AGTR1: variants seen among roughly 807,000 people sequenced by gnomAD.
AGTR1 encodes the protein type-1 angiotensin II receptor.
AGTR1 carries 16 observed loss-of-function variants against 19.4 expected under a neutral mutation model. That is an observed-to-expected ratio of 0.82 (90% CI 0.56 to 1.25). The LOEUF (loss-of-function observed/expected upper bound fraction) is 1.25, where lower values mean the gene tolerates loss of function less well. Ranked by LOEUF, AGTR1 falls within the 50% of genes most tolerant of loss-of-function variation. The pLI is 0.00. For synonymous variants in AGTR1, 153 were observed against 154.9 expected, an observed-to-expected ratio of 0.99 and a Z score of 0.09; for missense variants, 373 against 431.9, an observed-to-expected ratio of 0.86 and a Z score of 1.21.
At chr3:148,740,084 A>G in intron 2 of AGTR1, 1 of 922,884 alleles carries the variant, frequency 1.1e-6, no homozygotes, top group South Asian at 5.6e-5. Flanking sequence ...TATGTAGAAA[A>G]TCAGAGCAAA....
chr3:148,714,006 C>T (rs1713146386), intron 2 of AGTR1, among the ~76,000 whole-genome samples: 1 of 152,012 alleles, frequency 6.6e-6, no homozygotes, highest in Non-Finnish European at 1.5e-5. Context: ...AAGTTTCTTC[C>T]CTTTGCCTCT....
At chr3:148,712,106 G>A (rs1477845376) in intron 2 of AGTR1, among the ~76,000 whole-genome samples, 1 of 152,048 alleles carries the variant, frequency 6.6e-6, no homozygotes, top group Non-Finnish European at 1.5e-5. Flanking sequence ...TTTAAATTTA[G>A]AGGCCCTGTT....
intron 2 of AGTR1, among the ~76,000 whole-genome samples, chr3:148,738,533 G>T (rs1163252867): frequency 6.6e-6 from 1 of 152,064 alleles, no homozygotes; most frequent in Non-Finnish European, 1.5e-5. Context: ...ATACTTCTAA[G>T]TTGGCATAAG....
intron 1 of AGTR1, among the ~76,000 whole-genome samples, chr3:148,704,080 GC>G (rs1185053132): frequency 5.3e-5 from 8 of 152,024 alleles, no homozygotes; most frequent in Non-Finnish European, 7.4e-5. Flanking sequence ...TAACTTTGGA[GC>G]CCAGGTATGG....
chr3:148,720,103 C>G (rs1378280612), intron 2 of AGTR1, among the ~76,000 whole-genome samples: 1 of 152,190 alleles, frequency 6.6e-6, no homozygotes, highest in Non-Finnish European at 1.5e-5. Context: ...GTGAGCATCT[C>G]TCTAACCACT....
At chr3:148,740,091 C>A in intron 2 of AGTR1, 4 of 868,480 alleles carry the variant, frequency 4.6e-6, no homozygotes, top group African/African-American at 3.6e-5. Flanking sequence ...AAAATCAGAG[C>A]AAATATTTGC....
At chr3:148,707,380 T>C (rs1294274970) in intron 1 of AGTR1, among the ~76,000 whole-genome samples, 1 of 152,136 alleles carries the variant, frequency 6.6e-6, no homozygotes, top group East Asian at 1.9e-4. Flanking sequence ...TAATAGAGGG[T>C]AAGGATATGT....
chr3:148,717,735 G>C (rs1196171900), intron 2 of AGTR1, among the ~76,000 whole-genome samples: 4 of 152,170 alleles, frequency 2.6e-5, no homozygotes, highest in Non-Finnish European at 5.9e-5. Context: ...CGGCAGAAAT[G>C]TAACAGGAAA....
rs753563079 is a variant in AGTR1, at chr3:148,742,077, TCCA to T, written c.1046_1048del (p.Thr349del). 2.5e-6 allele frequency: 4 copies of T among 1,613,910 alleles called. No individual in the cohort carries two copies. The highest frequency in any genetic ancestry group is 3.4e-6 in the Non-Finnish European group (4 of 1,179,998). ...CCGCCCCTCAGATAATGTAAGCTCATCCACCAAGAAGCCTGCACCATGTTTTGA... is the reference window on the plus strand; with the variant it reads ...CCGCCCCTCAGATAATGTAAGCTCATCCAAGAAGCCTGCACCATGTTTTGA... On this transcript the variant is annotated inframe_deletion, in exon 3 of 3. Coordinates refer to ENST00000349243, the MANE Select transcript of AGTR1 (RefSeq NM_000685.5).
chr3:148,740,944 AC>A (rs1167627048), intron 2 of AGTR1, 44 bp from the exon 3 acceptor site: 1 of 1,523,662 alleles, frequency 6.6e-7, no homozygotes, highest in African/African-American at 1.4e-5. Context: ...TTGTTTGTTT[AC>A]AATAAGAATT....
At chr3:148,699,091 C>G (rs928445632) in intron 1 of AGTR1, among the ~76,000 whole-genome samples, 13 of 152,154 alleles carry the variant, frequency 8.5e-5, no homozygotes, top group African/African-American at 2.9e-4. Context: ...CCTACTCCCC[C>G]CCTTCAGGAG....
At chr3:148,703,449 G>A (rs147346505) in intron 1 of AGTR1, among the ~76,000 whole-genome samples, 1 of 152,246 alleles carries the variant, frequency 6.6e-6, no homozygotes, top group East Asian at 1.9e-4. Context: ...TTATGAAGAG[G>A]TGTTTTCTTG....
Position 148,741,228 on chromosome 3 carries a change from G to A in AGTR1, c.193G>A (p.Val65Ile), listed in dbSNP as rs111980524. The change falls in exon 3 of 3, where the codon GTT (valine) becomes ATT (isoleucine). Residue 65 changes from valine (V) to isoleucine (I), a missense_variant. Val to Ile is a conservative substitution (Grantham distance 29, BLOSUM62 3). Transcript: ENST00000349243. ...TATGAAGCTGAAGACTGTGGCCAGT[G>A]TTTTTCTTTTGAATTTAGCACTGGC... Reference protein sequence around the residue: ...FYMKLKTVASVFLLNLALADL... With the variant: ...FYMKLKTVASIFLLNLALADL... 2.5e-4 allele frequency: 407 copies of A among 1,614,036 alleles called. 2 individuals carry two copies. The African/African-American group carries it at 4.7e-3, about 19-fold the overall frequency.
At chr3:148,739,954 T>G (rs1429737689) in intron 2 of AGTR1, 1 of 1,231,698 alleles carries the variant, frequency 8.1e-7, no homozygotes. Context: ...TGTACCACAT[T>G]CGGTGATGTC....
At chr3:148,729,877 C>G (rs1714156280) in intron 2 of AGTR1, among the ~76,000 whole-genome samples, 1 of 152,204 alleles carries the variant, frequency 6.6e-6, no homozygotes, top group Non-Finnish European at 1.5e-5. Flanking sequence ...AGCCTCCCCT[C>G]TCTGAGTCTT....
chr3:148,736,205 G>T (rs1191404324), intron 2 of AGTR1, among the ~76,000 whole-genome samples: 4 of 152,150 alleles, frequency 2.6e-5, no homozygotes, highest in Non-Finnish European at 5.9e-5. Flanking sequence ...AACCAGGAAA[G>T]CTGTCAAAGG....
At chr3:148,725,405 C>A (rs971560939) in intron 2 of AGTR1, among the ~76,000 whole-genome samples, 1 of 152,170 alleles carries the variant, frequency 6.6e-6, no homozygotes, top group Non-Finnish European at 1.5e-5. Flanking sequence ...ATTAGGGCTT[C>A]TAACTTCATT....
chr3:148,700,664 A>G (rs547247846), intron 1 of AGTR1, among the ~76,000 whole-genome samples: 5 of 152,318 alleles, frequency 3.3e-5, no homozygotes, highest in African/African-American at 4.8e-5. Flanking sequence ...AGTGTTGTAA[A>G]GATTAAAACG....
At chr3:148,736,391 A>G (rs12721215) in intron 2 of AGTR1, among the ~76,000 whole-genome samples, 175 of 152,300 alleles carry the variant, frequency 1.1e-3, no homozygotes, top group African/African-American at 3.7e-3. Context: ...GAATTTTTAG[A>G]CTTTTAATGG....
Sources: allele counts gnomAD v4.1 joint callset (sites outside exome capture counted in the v4.1 genomes callset), GRCh38; gene constraint gnomAD v4.1.1; transcripts MANE v1.5; gene names NCBI Gene and HGNC (gene_info 2026-07-23, HGNC 2026-07-21).